TMEM170A: variants seen among roughly 807,000 people sequenced by gnomAD.
TMEM170A encodes transmembrane protein 170.
In TMEM170A, 18 loss-of-function variants were observed where a neutral mutation model predicts 12.8. The observed-to-expected ratio is 1.41, with a 90% CI of 0.97 to 2.09. The LOEUF is 2.09. Among genes scored for constraint, TMEM170A ranks in the 30% most tolerant of loss-of-function variants. The pLI is 0.00. For synonymous variants in TMEM170A, 107 were observed against 76.2 expected (o/e 1.40, Z -2.11); for missense variants, 220 against 179.9 (o/e 1.22, Z -1.28).
chr16:75,456,777 T>G (rs1031101384), intron 1 of TMEM170A, among the ~76,000 whole-genome samples: 1 of 151,940 alleles, frequency 6.6e-6, no homozygotes, highest in African/African-American at 2.4e-5. Flanking sequence ...CACACAAATC[T>G]CTCCTGCCTG....
chr16:75,463,421 C>T (rs993453689), intron 1 of TMEM170A, among the ~76,000 whole-genome samples: 1 of 152,114 alleles, frequency 6.6e-6, no homozygotes, highest in African/African-American at 2.4e-5. Context: ...TGACCTTACC[C>T]GCTACTTCAC....
chr16:75,454,893 G>A (rs371451386), intron 1 of TMEM170A, among the ~76,000 whole-genome samples: 23 of 152,254 alleles, frequency 1.5e-4, no homozygotes, highest in South Asian at 4.1e-4. Flanking sequence ...TTTTACTTCC[G>A]GGGATACACC....
chr16:75,451,406 G>A (rs1303453947), intron 2 of TMEM170A: 4 of 552,598 alleles, frequency 7.2e-6, no homozygotes, highest in East Asian at 5.9e-5. Context: ...AAAATTAGCG[G>A]GGCATGGTGG....
At position 75,444,322 on chromosome 16, in the gene TMEM170A, G is replaced by A. The variant is rs1001263382; in HGVS notation, c.*3236C>T. On this transcript the variant is annotated 3_prime_UTR_variant, in exon 3 of 3. Transcript: ENST00000561878. ...ATACAAAAAATTAGCTGGGCATGGTGGTGGACGTCCGTAGTCCCAGCTACT... is the reference window on the plus strand; with the variant it reads ...ATACAAAAAATTAGCTGGGCATGGTAGTGGACGTCCGTAGTCCCAGCTACT... The A allele has an allele frequency of 3.3e-5, 5 of 152,238 alleles. No individual in the cohort carries two copies. The highest frequency in any genetic ancestry group is 7.3e-5 in the Non-Finnish European group (5 of 68,266). The allele number at this position is 152,238 out of a possible 1,614,324, so 9.4% of individuals were successfully genotyped here. A position where few individuals can be genotyped will look rare whatever the true frequency, so the allele number is the denominator to read the frequency against.
intron 1 of TMEM170A, among the ~76,000 whole-genome samples, chr16:75,461,130 T>C: frequency 6.6e-6 from 1 of 152,188 alleles, no homozygotes; most frequent in Non-Finnish European, 1.5e-5. Context: ...GTCAGCTCAC[T>C]GCAACCTCCC....
At chr16:75,453,861 A>G (rs1234914342) in intron 1 of TMEM170A, among the ~76,000 whole-genome samples, 1 of 152,252 alleles carries the variant, frequency 6.6e-6, no homozygotes. Context: ...AGGCACCCAT[A>G]TAAAGAAAAC....
chr16:75,456,223 G>C (rs1423158131), intron 1 of TMEM170A, among the ~76,000 whole-genome samples: 1 of 151,748 alleles, frequency 6.6e-6, no homozygotes, highest in East Asian at 1.9e-4. Context: ...GAGTGCTCAG[G>C]TCTTGTTTTG....
At chr16:75,462,222 T>A (rs1361769615) in intron 1 of TMEM170A, among the ~76,000 whole-genome samples, 1 of 152,252 alleles carries the variant, frequency 6.6e-6, no homozygotes, top group African/African-American at 2.4e-5. Context: ...TGACATTCAA[T>A]GTCTCTTTTT....
chr16:75,453,463 AC>A, intron 1 of TMEM170A, among the ~76,000 whole-genome samples: 2 of 152,278 alleles, frequency 1.3e-5, no homozygotes, highest in Middle Eastern at 3.4e-3. Context: ...AAAAACCCAA[AC>A]AAAAATAATT....
At chr16:75,454,459 T>TAC (rs71380746) in intron 1 of TMEM170A, among the ~76,000 whole-genome samples, 32,291 of 149,484 alleles carry the variant, frequency 0.22, 3,651 homozygotes, top group Middle Eastern at 0.25. Flanking sequence ...TCTCTAAAAA[T>TAC]ACACACACAT....
chr16:75,464,645 G>C lies in TMEM170A; in HGVS notation c.-45C>G. On this transcript the variant is annotated 5_prime_UTR_variant, in exon 1 of 3. Coordinates refer to ENST00000561878, the MANE Select transcript of TMEM170A (RefSeq NM_145254.3). ...GAGAAATGAGGGACGAGCGCCCGAA[G>C]TGCGGTAGCGGCCGGCGCCGACTCA... The C allele has an allele frequency of 6.5e-7, 1 of 1,548,156 alleles. No homozygotes were observed. Among genetic ancestry groups the C allele is most frequent in the Non-Finnish European group, 8.7e-7 (1 of 1,153,438 alleles).
At chr16:75,464,345 G>A in intron 1 of TMEM170A, 123 bp downstream of exon 1, 1 of 1,351,864 alleles carries the variant, frequency 7.4e-7, no homozygotes, top group South Asian at 1.6e-5. Context: ...CCCCCCTCCC[G>A]GAGGACAGCG....
intron 1 of TMEM170A, among the ~76,000 whole-genome samples, chr16:75,457,426 A>C (rs1406750983): frequency 1.3e-5 from 2 of 152,146 alleles, no homozygotes; most frequent in African/African-American, 4.8e-5. Flanking sequence ...AGAGATTCTC[A>C]ATCTCTTGAT....
chr16:75,447,729 G>GTT lies in TMEM170A; in HGVS notation c.305-42_305-41insAA, dbSNP rs745557500. The GTT allele has an allele frequency of 1.1e-3, 1,681 of 1,558,772 alleles. 33 individuals carry two copies. The African/African-American group carries it at 0.023, about 21-fold the overall frequency. The stretch of plus-strand genomic sequence containing the variant: ...AGAATGTTAAACAAAAACAAAAAAC[G>GTT]AAGGTTAACAAACTCACGAAAATAC... On this transcript the variant is annotated intron_variant, in intron 2 of 2. Coordinates refer to ENST00000561878, the MANE Select transcript of TMEM170A (RefSeq NM_145254.3).
In TMEM170A at chr16:75,464,621, A is replaced by G. The variant is rs774895697; in HGVS notation, c.-21T>C. 6.4e-7 allele frequency: 1 copy of G among 1,570,410 alleles called. No homozygotes were observed. Among genetic ancestry groups the G allele is most frequent in the Non-Finnish European group, 8.6e-7 (1 of 1,162,476 alleles). ...TCCATCCCGTCGCCATTCACCACAG[A>G]GAAATGAGGGACGAGCGCCCGAAGT... is the stretch of plus-strand genomic sequence containing the variant. On this transcript the variant is annotated 5_prime_UTR_variant, in exon 1 of 3. Transcript: ENST00000561878.
chr16:75,449,851 T>C (rs550977893), intron 2 of TMEM170A, among the ~76,000 whole-genome samples: 77 of 152,156 alleles, frequency 5.1e-4, no homozygotes, highest in African/African-American at 1.6e-3. Flanking sequence ...GAACTTGAAC[T>C]GGGCCCTAAA....
intron 1 of TMEM170A, among the ~76,000 whole-genome samples, chr16:75,463,119 T>G (rs1303757334): frequency 6.6e-6 from 1 of 151,972 alleles, no homozygotes; most frequent in East Asian, 1.9e-4. Context: ...TATTACTGAG[T>G]CTAAGTAAAG....
intron 1 of TMEM170A, among the ~76,000 whole-genome samples, chr16:75,460,754 C>A (rs1375500757): frequency 3.3e-5 from 5 of 152,120 alleles, no homozygotes; most frequent in African/African-American, 1.2e-4. Flanking sequence ...TGACTTGGTG[C>A]CTAGAAAACA....
At chr16:75,464,033 C>T (rs761716764) in intron 1 of TMEM170A, among the ~76,000 whole-genome samples, 1 of 152,180 alleles carries the variant, frequency 6.6e-6, no homozygotes, top group Non-Finnish European at 1.5e-5. Context: ...GCAAGGGGAG[C>T]GCGAGCTCTG....
Sources: allele counts gnomAD v4.1 joint callset (sites outside exome capture counted in the v4.1 genomes callset), GRCh38; gene constraint gnomAD v4.1.1; transcripts MANE v1.5; gene names NCBI Gene and HGNC (gene_info 2026-07-23, HGNC 2026-07-21).